Variants in OXNAD1 observed in about 807,000 individuals in gnomAD.
The protein encoded by OXNAD1 is oxidoreductase NAD binding domain containing 1.
A neutral mutation model predicts 32.9 loss-of-function variants in OXNAD1; 34 were observed. The ratio of observed to expected loss-of-function variants is 1.03; its 90% CI spans 0.79 to 1.38. The LOEUF (loss-of-function observed/expected upper bound fraction) is 1.38. Among genes scored for constraint, OXNAD1 ranks in the 40% most tolerant of loss-of-function variants. The pLI is 0.00. For missense variants in OXNAD1, 407 were observed against 379.4 expected, an observed-to-expected ratio of 1.07 and a Z score of -0.60; for synonymous variants, 134 against 135.2, an observed-to-expected ratio of 0.99 and a Z score of 0.06.
At position 16,336,264 on chromosome 3, in the gene OXNAD1, AGCCTGGCTCTGTCTGT is replaced by A. The variant is rs1242796718; in HGVS notation, c.*31-844_*31-829del. 6.6e-6 allele frequency among the ~76,000 whole-genome samples: 1 copy of A among 152,244 alleles called. No homozygotes were observed. Among genetic ancestry groups the A allele is most frequent in the Admixed American group, 6.5e-5 (1 of 15,292 alleles). ...TCATTCATGAATCTCACATTCAGTC[AGCCTGGCTCTGTCTGT>A]GCCACTTGGGAAGCCTCTTCTGCCC... On this transcript the variant is annotated intron_variant, in intron 9 of 9. Coordinates refer to the OXNAD1 transcript ENST00000435829. The surrounding 1 kb of genome is among the most constrained non-coding windows in gnomAD (Gnocchi z 6.0).
At position 16,289,092 on chromosome 3, in the gene OXNAD1, C is replaced by G. The variant is rs137868404; in HGVS notation, c.290+2644C>G. 6.6e-6 allele frequency among the ~76,000 whole-genome samples: 1 copy of G among 152,196 alleles called. No homozygotes were observed. The highest frequency in any genetic ancestry group is 2.4e-5 in the African/African-American group (1 of 41,456). On this transcript the variant is annotated intron_variant, in intron 5 of 8. Coordinates refer to ENST00000285083, the MANE Select transcript of OXNAD1 (RefSeq NM_138381.5). This position sits in a 1 kb window ranked among gnomAD's most constrained non-coding sequence, Gnocchi z 4.9. ...CAAAGAGGGAGCAGTAGTATTCCTA[C>G]GTTTTGGGATATTTAAAGTGTTTAG...
At chr3:16,300,155 T>C (rs2067077166) in intron 6 of OXNAD1, among the ~76,000 whole-genome samples, 1 of 152,254 alleles carries the variant, frequency 6.6e-6, no homozygotes, top group Non-Finnish European at 1.5e-5. Context: ...TGCTCCTTTC[T>C]AGAACTGTCC....
At chr3:16,278,816 C>T (rs1230670680) in intron 4 of OXNAD1, among the ~76,000 whole-genome samples, 1 of 152,150 alleles carries the variant, frequency 6.6e-6, no homozygotes, top group Admixed American at 6.5e-5. Context: ...GGGCAGATGC[C>T]TTTGGGGATC....
At chr3:16,309,155 T>G (rs2067779662), downstream of OXNAD1, among the ~76,000 whole-genome samples, 1 of 152,210 alleles carries the variant, frequency 6.6e-6, no homozygotes, top group African/African-American at 2.4e-5. Context: ...TTTAATACAC[T>G]TCAAATTCTT....
intron 9 of OXNAD1, among the ~76,000 whole-genome samples, chr3:16,318,105 C>A (rs913594311): frequency 6.6e-6 from 1 of 152,144 alleles, no homozygotes; most frequent in Non-Finnish European, 1.5e-5. Context: ...GTCACGCGGC[C>A]AGTAATAGAG....
chr3:16,320,364 C>A lies in OXNAD1; in HGVS notation c.*31-16748C>A, dbSNP rs2068907458. 6.6e-6 allele frequency among the ~76,000 whole-genome samples: 1 copy of A among 152,202 alleles called. No individual in the cohort carries two copies. Among genetic ancestry groups the A allele is most frequent in the Non-Finnish European group, 1.5e-5 (1 of 68,040 alleles). The stretch of plus-strand genomic sequence containing the variant: ...TAAATATGCCACATCCTCGGTGTGC[C>A]AATCTTGCAGTTTCTTTTCTTAAGT... On this transcript the variant is annotated intron_variant, in intron 9 of 9. Transcript: ENST00000435829. This position sits in a 1 kb window ranked among gnomAD's most constrained non-coding sequence, Gnocchi z 4.5.
downstream of OXNAD1, among the ~76,000 whole-genome samples, chr3:16,308,612 C>G (rs2067738429): frequency 6.6e-6 from 1 of 152,142 alleles, no homozygotes; most frequent in African/African-American, 2.4e-5. The surrounding 1 kb of genome is among the most constrained non-coding windows in gnomAD (Gnocchi z 4.4). Context: ...GATGTCTGGT[C>G]TTTAATATTA....
chr3:16,310,902 A>G (rs7629910), downstream of OXNAD1, among the ~76,000 whole-genome samples: 20,268 of 147,152 alleles, frequency 0.14, 1,450 homozygotes, highest in Middle Eastern at 0.18. Context: ...AGGCAAGAGA[A>G]TTGCTTGAAC....
At chr3:16,300,807 G>A (rs1034121143) in intron 6 of OXNAD1, among the ~76,000 whole-genome samples, 6 of 152,170 alleles carry the variant, frequency 3.9e-5, no homozygotes, top group African/African-American at 1.2e-4. Context: ...GGGAAACCAC[G>A]AATTTTGTAG....
rs1221236919 is a variant in OXNAD1, at chr3:16,277,507, A to C, written c.183+5785A>C. Reference sequence around the variant, plus strand: ...TGCCTTTAATTTGTATAGTGAGTATACTTTACACATGTTATTTGCTCTTCA... The same window carrying C: ...TGCCTTTAATTTGTATAGTGAGTATCCTTTACACATGTTATTTGCTCTTCA... On this transcript the variant is annotated intron_variant, in intron 4 of 8. Coordinates refer to ENST00000285083, the MANE Select transcript of OXNAD1 (RefSeq NM_138381.5). This position sits in a 1 kb window ranked among gnomAD's most constrained non-coding sequence, Gnocchi z 4.3. 6.6e-6 allele frequency among the ~76,000 whole-genome samples: 1 copy of C among 152,170 alleles called. No homozygotes were observed. Among genetic ancestry groups the C allele is most frequent in the African/African-American group, 2.4e-5 (1 of 41,444 alleles).
chr3:16,276,707 C>T (rs954109944), intron 4 of OXNAD1: 1 of 151,954 alleles, frequency 6.6e-6, no homozygotes, highest in Admixed American at 6.6e-5. Context: ...GCAAGGCGGC[C>T]CTTCTTCCAT....
At position 16,345,314 on chromosome 3, in the gene OXNAD1, T is replaced by C. The variant is rs1014007764; in HGVS notation, c.*31-3862T>C. ...TGTGTGTGTGTGTTTAAAGCTGTTA[T>C]AGAATTATCTCCCACTTTTTTATCT... On this transcript the variant is annotated intron_variant, in intron 9 of 9. Transcript: ENST00000606098. This position sits in a 1 kb window ranked among gnomAD's most constrained non-coding sequence, Gnocchi z 5.2. 7.3e-6 allele frequency: 1 copy of C among 137,890 alleles called. No individual in the cohort carries two copies. Among genetic ancestry groups the C allele is most frequent in the Non-Finnish European group, 1.5e-5 (1 of 67,044 alleles). 8.5% of individuals were successfully genotyped at this position (137,890 alleles called of 1,614,324 possible). A position where few individuals can be genotyped will look rare whatever the true frequency, so the allele number is the denominator to read the frequency against.
chr3:16,323,219 C>A (rs186654164), intron 9 of OXNAD1, among the ~76,000 whole-genome samples: 1 of 152,276 alleles, frequency 6.6e-6, no homozygotes, highest in Non-Finnish European at 1.5e-5. Context: ...GTTTTAGCAG[C>A]CTGAGATGTG....
In OXNAD1 at chr3:16,317,269, T is replaced by C. The variant is rs1575212617; in HGVS notation, c.*30+13677T>C. 1 of 1,601,698 alleles carries C rather than the reference T, an allele frequency of 6.2e-7. No homozygotes were observed. The highest frequency in any genetic ancestry group is 1.3e-5 in the African/African-American group (1 of 74,388). On this transcript the variant is annotated intron_variant, in intron 9 of 9. Transcript: ENST00000435829. The surrounding 1 kb of genome is among the most constrained non-coding windows in gnomAD (Gnocchi z 4.3). ...AAAGGATGGGGATAAATAACAAGCCTCCGGGAACCCAGAGCTTCACCCAAA... is the reference window on the plus strand; with the variant it reads ...AAAGGATGGGGATAAATAACAAGCCCCCGGGAACCCAGAGCTTCACCCAAA...
chr3:16,266,602 CA>C (rs77883979), intron 1 of OXNAD1, among the ~76,000 whole-genome samples: 20,481 of 72,586 alleles, frequency 0.28, 817 homozygotes, highest in Non-Finnish European at 0.32. Context: ...GACGCTGTCT[CA>C]AAAAAAAAAA....
At chr3:16,293,200 A>G (rs955255963) in intron 5 of OXNAD1, among the ~76,000 whole-genome samples, 18 of 152,058 alleles carry the variant, frequency 1.2e-4, no homozygotes, top group African/African-American at 4.3e-4. Context: ...TTTTTTTCCA[A>G]TGGTGTTTTG....
Position 16,299,816 on chromosome 3 carries a change from TC to T in OXNAD1, c.433-1808del, listed in dbSNP as rs759115480. Among the ~76,000 whole-genome samples the T allele has an allele frequency of 3.9e-5, 6 of 152,360 alleles. No homozygotes were observed. The East Asian group carries it at 1.2e-3, about 29-fold the overall frequency. On this transcript the variant is annotated intron_variant, in intron 6 of 8. Transcript: ENST00000285083. The surrounding 1 kb of genome is among the most constrained non-coding windows in gnomAD (Gnocchi z 4.4). ...ATGCTCTTAATACAAGTTTCTTTAT[TC>T]CTAGAATCTGTTTTTTAGTGACAGG...
chr3:16,341,788 A>G (rs1226070336), downstream of OXNAD1, among the ~76,000 whole-genome samples: 1 of 152,244 alleles, frequency 6.6e-6, no homozygotes, highest in Non-Finnish European at 1.5e-5. This position sits in a 1 kb window ranked among gnomAD's most constrained non-coding sequence, Gnocchi z 4.7. Context: ...TAATGAAGTA[A>G]AAGCCTAATA....
rs1455252926 is a variant in OXNAD1 at position 16,281,899 on chromosome 3, T to G, written c.184-4443T>G. Among the ~76,000 whole-genome samples, 6 of 145,568 alleles carry G rather than the reference T, an allele frequency of 4.1e-5. No individual in the cohort carries two copies. The East Asian group carries it at 1.2e-3, about 28-fold the overall frequency. On this transcript the variant is annotated intron_variant, in intron 4 of 8. Transcript: ENST00000285083. ...AATGTTTATAAAATAACATTTCTTT[T>G]TTTTTTTTTTTTTTTTTGAGACAGG...
Sources: allele counts gnomAD v4.1 joint callset (sites outside exome capture counted in the v4.1 genomes callset), GRCh38; gene constraint gnomAD v4.1.1; non-coding constraint Gnocchi (gnomAD v3.1); transcripts MANE v1.5; gene names NCBI Gene and HGNC (gene_info 2026-07-23, HGNC 2026-07-21).